Variants in EEA1 observed in about 807,000 individuals in gnomAD.
The protein encoded by EEA1 is early endosome antigen 1, 162kD.
EEA1 carries 111 observed loss-of-function variants against 209.2 expected under a neutral mutation model. The ratio of observed to expected loss-of-function variants is 0.53; its 90% CI spans 0.45 to 0.62. The LOEUF (loss-of-function observed/expected upper bound fraction) is 0.62, where lower values mean the gene tolerates loss of function less well. Among genes scored for constraint, EEA1 ranks in the 20% least tolerant of loss-of-function variants. The pLI is 0.00. For missense variants in EEA1, 1,343 were observed against 1,530.8 expected (o/e 0.88, Z 2.05); for synonymous variants, 536 against 540.6 (o/e 0.99, Z 0.12).
chr12:92,781,285 C>T (rs1351619545), intron 23 of EEA1, among the ~76,000 whole-genome samples: 2 of 152,156 alleles, frequency 1.3e-5, no homozygotes, highest in Non-Finnish European at 2.9e-5. Context: ...TTCACCATCA[C>T]CACACCCACA....
chr12:92,838,383 T>C (rs1877020770), intron 10 of EEA1, among the ~76,000 whole-genome samples: 1 of 152,152 alleles, frequency 6.6e-6, no homozygotes, highest in Non-Finnish European at 1.5e-5. Flanking sequence ...ACTGCTACTC[T>C]ACATATCCTG....
At chr12:92,922,226 T>C (rs1265270736) in intron 1 of EEA1, among the ~76,000 whole-genome samples, 1 of 152,182 alleles carries the variant, frequency 6.6e-6, no homozygotes, top group Admixed American at 6.5e-5. Context: ...TAGTTCACAT[T>C]TATCTTCTTC....
intron 18 of EEA1, among the ~76,000 whole-genome samples, chr12:92,804,117 C>A (rs1264046711): frequency 1.3e-5 from 2 of 151,962 alleles, no homozygotes; most frequent in Non-Finnish European, 2.9e-5. Context: ...ATAAGAACAG[C>A]ACTGTAATTG....
intron 1 of EEA1, among the ~76,000 whole-genome samples, chr12:92,902,403 C>T (rs1039816010): frequency 3.3e-5 from 5 of 152,080 alleles, no homozygotes; most frequent in South Asian, 2.1e-4. Flanking sequence ...ACTTAGTAAG[C>T]GGGGCAAGGC....
chr12:92,819,518 A>C lies in EEA1; in HGVS notation c.1525-7T>G, dbSNP rs770552779. 24 of 1,568,138 alleles carry C rather than the reference A, an allele frequency of 1.5e-5. No individual in the cohort carries two copies. Among genetic ancestry groups the C allele is most frequent in the Non-Finnish European group, 2.0e-5 (23 of 1,159,804 alleles). The stretch of plus-strand genomic sequence containing the variant: ...GAACTTGTTCCAAATCATTCTGTAA[A>C]GAATTGAAAACTACTACTTTAAGAA... On this transcript the variant is annotated splice_polypyrimidine_tract_variant and splice_region_variant and intron_variant, in intron 13 of 28. Transcript: ENST00000322349.
chr12:92,786,446 G>C, intron 22 of EEA1, among the ~76,000 whole-genome samples: 1 of 152,078 alleles, frequency 6.6e-6, no homozygotes. Context: ...TTTACCTCCA[G>C]ATAAACAGAT....
rs577758726 is a variant in EEA1 at position 92,902,460 on chromosome 12, C to T, written c.25-10739G>A. Among the ~76,000 whole-genome samples, 40 of 152,068 alleles carry T rather than the reference C, an allele frequency of 2.6e-4. No homozygotes were observed. In the South Asian group the frequency reaches 3.1e-3, roughly 12 times the overall value. Reference sequence around the variant, plus strand: ...GAAACTCTTTAAAAAGCTGTAAATCCGGCCGGGTGCGATGGCTCACGCCTG... The same window carrying T: ...GAAACTCTTTAAAAAGCTGTAAATCTGGCCGGGTGCGATGGCTCACGCCTG... On this transcript the variant is annotated intron_variant, in intron 1 of 28. Coordinates refer to ENST00000322349, the MANE Select transcript of EEA1 (RefSeq NM_003566.4).
chr12:92,871,029 A>C (rs968738596), intron 2 of EEA1, among the ~76,000 whole-genome samples: 4 of 152,142 alleles, frequency 2.6e-5, no homozygotes, highest in Non-Finnish European at 5.9e-5. Flanking sequence ...TTTTCTAAGT[A>C]AGAGCAAAGT....
At chr12:92,846,382 C>A (rs1323275946) in intron 9 of EEA1, among the ~76,000 whole-genome samples, 2 of 152,168 alleles carry the variant, frequency 1.3e-5, no homozygotes, top group South Asian at 4.2e-4. Flanking sequence ...ACCAAACATG[C>A]CTACACATCT....
chr12:92,925,474 C>T (rs1881177717), intron 1 of EEA1, among the ~76,000 whole-genome samples: 2 of 152,146 alleles, frequency 1.3e-5, no homozygotes, highest in Admixed American at 6.6e-5. Flanking sequence ...CTCGGCTTCC[C>T]AAAGTGATGG....
intron 2 of EEA1, among the ~76,000 whole-genome samples, chr12:92,878,935 A>T (rs914977225): frequency 6.6e-6 from 1 of 152,214 alleles, no homozygotes. Flanking sequence ...AATAATCAAT[A>T]CACTTCCCAA....
At chr12:92,797,970 T>C (rs1485118512) in intron 21 of EEA1, among the ~76,000 whole-genome samples, 1 of 152,178 alleles carries the variant, frequency 6.6e-6, no homozygotes, top group Non-Finnish European at 1.5e-5. Flanking sequence ...GATTCTACTA[T>C]CTTCTCCATA....
Position 92,802,466 on chromosome 12 carries a change from T to C in EEA1, c.2608A>G (p.Lys870Glu). The change falls in exon 19 of 29, where the codon AAA becomes GAA. Residue 870 changes from lysine (K) to glutamate (E), a missense_variant. Physicochemically the swap from Lys to Glu is moderately conservative, Grantham distance 56. Transcript: ENST00000322349. ...DKLSKVSDSL[K>E]NSKSEFEKEN... The stretch of plus-strand genomic sequence containing the variant: ...TTTTCAAATTCACTTTTAGAGTTTT[T>C]CAAAGAATCAGAAACTTTTGATAGT... The C allele has an allele frequency of 1.3e-6, 2 of 1,581,468 alleles. No individual in the cohort carries two copies. The highest frequency in any genetic ancestry group is 1.7e-6 in the Non-Finnish European group (2 of 1,171,846).
At chr12:92,884,270 C>T (rs1879286683) in intron 2 of EEA1, 1 of 1,471,284 alleles carries the variant, frequency 6.8e-7, no homozygotes, top group Non-Finnish European at 9.4e-7. Flanking sequence ...TCAGAAATAC[C>T]ATACTGTGAA....
intron 1 of EEA1, among the ~76,000 whole-genome samples, chr12:92,902,740 T>TA (rs35323066): frequency 0.16 from 20,031 of 125,028 alleles, 1,736 homozygotes; most frequent in East Asian, 0.31. Context: ...AATTCTGTCT[T>TA]AAAAAAAAAA....
chr12:92,877,974 A>C (rs1235403312), intron 2 of EEA1, among the ~76,000 whole-genome samples: 1 of 152,216 alleles, frequency 6.6e-6, no homozygotes, highest in African/African-American at 2.4e-5. Flanking sequence ...CATTTCCTAA[A>C]GCCAATGAAG....
chr12:92,847,660 G>C (rs1348972271), intron 9 of EEA1, among the ~76,000 whole-genome samples: 20 of 152,074 alleles, frequency 1.3e-4, no homozygotes, highest in Non-Finnish European at 7.4e-5. Context: ...TTACTTAAAA[G>C]GCAATCATCA....
chr12:92,831,734 A>G (rs1876649922), intron 11 of EEA1, among the ~76,000 whole-genome samples: 1 of 150,752 alleles, frequency 6.6e-6, no homozygotes, highest in Non-Finnish European at 1.5e-5. Context: ...TTTCTACAAA[A>G]TATCTAATTT....
chr12:92,838,154 T>C (rs1222025113), intron 10 of EEA1, among the ~76,000 whole-genome samples: 1 of 152,192 alleles, frequency 6.6e-6, no homozygotes, highest in East Asian at 1.9e-4. Flanking sequence ...TCTAACACAA[T>C]AAAATAATCT....
Sources: gnomAD v4.1 joint callset for allele counts (sites outside exome capture counted in the v4.1 genomes callset) on GRCh38, gnomAD v4.1.1 for gene constraint, MANE v1.5 for transcripts, NCBI Gene and HGNC (gene_info 2026-07-23, HGNC 2026-07-21) for gene names.